Variants in ADAMTS2 observed in about 807,000 individuals in gnomAD.
The protein encoded by ADAMTS2 is ADAM metallopeptidase with thrombospondin type 1 motif 2.
ADAMTS2 carries 50 observed loss-of-function variants against 123.0 expected under a neutral mutation model. The ratio of observed to expected loss-of-function variants is 0.41; its 90% CI spans 0.32 to 0.51. The LOEUF (loss-of-function observed/expected upper bound fraction) is 0.51. ADAMTS2 is among the 20% of genes least tolerant of loss of function. The pLI, the probability that ADAMTS2 is intolerant of heterozygous loss-of-function variation, is 0.35. For synonymous variants in ADAMTS2, 678 were observed against 695.4 expected, an observed-to-expected ratio of 0.98 and a Z score of 0.39; for missense variants, 1,494 against 1,705.2, an observed-to-expected ratio of 0.88 and a Z score of 2.18.
chr5:179,330,338 G>A (rs2127459198), intron 2 of ADAMTS2, among the ~76,000 whole-genome samples: 1 of 152,132 alleles, frequency 6.6e-6, no homozygotes, highest in South Asian at 2.1e-4. Flanking sequence ...GACAGAGACG[G>A]CCTACATCTA....
chr5:179,192,447 C>G (rs868463819), intron 4 of ADAMTS2, among the ~76,000 whole-genome samples: 1 of 152,226 alleles, frequency 6.6e-6, no homozygotes, highest in Middle Eastern at 3.2e-3. Context: ...CCCCCTGCAC[C>G]ACCAGAGTCT....
chr5:179,328,822 C>T (rs1049739690), intron 2 of ADAMTS2, among the ~76,000 whole-genome samples: 13 of 152,186 alleles, frequency 8.5e-5, no homozygotes, highest in Admixed American at 5.9e-4. Flanking sequence ...TGTTTTTAAA[C>T]ATCTGAATCA....
chr5:179,140,139 T>A, intron 10 of ADAMTS2, 104 bp from the exon 11 acceptor site: 1 of 1,543,302 alleles, frequency 6.5e-7, no homozygotes, highest in Non-Finnish European at 8.9e-7. Flanking sequence ...CTGGCCCCAC[T>A]CTGGGGCACA....
rs1034385756 is a variant in ADAMTS2 at position 179,129,183 on chromosome 5, G to A, written c.2457+749C>T. Among the ~76,000 whole-genome samples the A allele has an allele frequency of 2.0e-5, 3 of 152,282 alleles. No individual in the cohort carries two copies. The highest frequency in any genetic ancestry group is 4.4e-5 in the Non-Finnish European group (3 of 68,036). On this transcript the variant is annotated intron_variant, in intron 16 of 21. Coordinates refer to ENST00000251582, the MANE Select transcript of ADAMTS2 (RefSeq NM_014244.5). The surrounding 1 kb of genome is among the most constrained non-coding windows in gnomAD (Gnocchi z 4.1). Reference sequence around the variant, plus strand: ...GATGCAGGCAGGTCACCAAAGGCACGTCCAGGGGGCCAGAAGTCACTGCAG... The same window carrying A: ...GATGCAGGCAGGTCACCAAAGGCACATCCAGGGGGCCAGAAGTCACTGCAG...
chr5:179,137,851 G>A lies in ADAMTS2; in HGVS notation c.1869C>T (p.Arg623=), dbSNP rs376058580. Residue 623 remains arginine, a synonymous_variant, in exon 12 of 22, where the codon CGC becomes CGT. Coordinates refer to ENST00000251582, the MANE Select transcript of ADAMTS2 (RefSeq NM_014244.5). Reference sequence around the variant, plus strand: ...GGTCCCACTGGCGGCACTGCTCCTCGCGGAAGTCAGCCAGGGAGTCGGGGC... The same window carrying A: ...GGTCCCACTGGCGGCACTGCTCCTCACGGAAGTCAGCCAGGGAGTCGGGGC... ...QDCPDSLADF[R]EEQCRQWDLY... The A allele has an allele frequency of 1.1e-4, 166 of 1,566,304 alleles. 2 individuals carry two copies. The highest frequency in any genetic ancestry group is 8.8e-4 in the South Asian group (75 of 84,882).
chr5:179,207,475 T>TACCCCCCCC, intron 4 of ADAMTS2, 38 bp downstream of exon 4: 40 of 588,604 alleles, frequency 6.8e-5, no homozygotes, highest in East Asian at 1.5e-4. Context: ...TGGTTGACCC[T>TACCCCCCCC]CCCCGCCCCA....
chr5:179,120,041 T>G (rs747060510), intron 21 of ADAMTS2: 1 of 151,834 alleles, frequency 6.6e-6, no homozygotes, highest in Non-Finnish European at 1.5e-5. Context: ...TGTTGGGCAG[T>G]GGGGAGTGGG....
At chr5:179,123,146 T>G (rs1470119658) in intron 19 of ADAMTS2, among the ~76,000 whole-genome samples, 1 of 152,190 alleles carries the variant, frequency 6.6e-6, no homozygotes, top group Non-Finnish European at 1.5e-5. Context: ...CTGGGAAAGC[T>G]CTGACCCAGC....
At chr5:179,258,239 C>T (rs1309188293) in intron 3 of ADAMTS2, among the ~76,000 whole-genome samples, 1 of 152,136 alleles carries the variant, frequency 6.6e-6, no homozygotes, top group Non-Finnish European at 1.5e-5. Context: ...GGCCATCATG[C>T]TTCTTATTCC....
chr5:179,299,256 G>A (rs1030959861), intron 2 of ADAMTS2, among the ~76,000 whole-genome samples: 88 of 149,562 alleles, frequency 5.9e-4, no homozygotes, highest in African/African-American at 1.4e-3. Context: ...TTGTCCAGGC[G>A]CGGTGGCTCA....
At chr5:179,173,212 TTAA>T (rs71589488) in intron 5 of ADAMTS2, among the ~76,000 whole-genome samples, 15,043 of 145,022 alleles carry the variant, frequency 0.1, 1,037 homozygotes, top group African/African-American at 0.2. Context: ...ACCCCATCTC[TTAA>T]TAATAATAAT....
At chr5:179,257,249 G>A (rs935654126) in intron 3 of ADAMTS2, among the ~76,000 whole-genome samples, 2 of 152,214 alleles carry the variant, frequency 1.3e-5, no homozygotes, top group Non-Finnish European at 2.9e-5. Flanking sequence ...GGGAGCTCCC[G>A]GGATATTGCC....
chr5:179,134,166 C>T (rs1256665179), intron 13 of ADAMTS2, among the ~76,000 whole-genome samples: 1 of 152,128 alleles, frequency 6.6e-6, no homozygotes, highest in Non-Finnish European at 1.5e-5. Flanking sequence ...ATGCTTGCTG[C>T]CTGTATTAAT....
intron 5 of ADAMTS2, among the ~76,000 whole-genome samples, chr5:179,172,038 G>A (rs908339485): frequency 1.4e-4 from 21 of 152,262 alleles, no homozygotes; most frequent in Admixed American, 1.1e-3. Flanking sequence ...CTCTGGAAGC[G>A]TGCGTCCAGC....
At chr5:179,320,583 G>T (rs758587254) in intron 2 of ADAMTS2, among the ~76,000 whole-genome samples, 5 of 151,598 alleles carry the variant, frequency 3.3e-5, no homozygotes, top group Non-Finnish European at 7.4e-5. Context: ...CTCCCAAAGT[G>T]CTGGGATTAC....
At chr5:179,139,745 G>T (rs1763128527) in intron 11 of ADAMTS2, 145 bp downstream of exon 11, 3 of 1,259,430 alleles carry the variant, frequency 2.4e-6, no homozygotes, top group Non-Finnish European at 3.3e-6. Context: ...CCCAGGTAGG[G>T]TGAGGCAGGC....
At chr5:179,251,785 G>A (rs142202619) in intron 3 of ADAMTS2, among the ~76,000 whole-genome samples, 9 of 152,250 alleles carry the variant, frequency 5.9e-5, no homozygotes, top group African/African-American at 2.2e-4. Flanking sequence ...CCAGAGAGGA[G>A]GTGCTGTGTG....
intron 2 of ADAMTS2, among the ~76,000 whole-genome samples, chr5:179,309,155 TC>T (rs1756755011): frequency 1.3e-5 from 2 of 152,270 alleles, no homozygotes; most frequent in East Asian, 1.9e-4. Flanking sequence ...AACTCTGTGT[TC>T]CCCGGGTAGA....
chr5:179,231,271 T>G (rs1324226532), intron 3 of ADAMTS2, among the ~76,000 whole-genome samples: 1 of 151,836 alleles, frequency 6.6e-6, no homozygotes. Flanking sequence ...GTTCAATGGG[T>G]GTAAAGTTTT....
Sources: allele counts gnomAD v4.1 joint callset (sites outside exome capture counted in the v4.1 genomes callset), GRCh38; gene constraint gnomAD v4.1.1; non-coding constraint Gnocchi (gnomAD v3.1); transcripts MANE v1.5; gene names NCBI Gene and HGNC (gene_info 2026-07-23, HGNC 2026-07-21).